The following GADL1 variants were observed in gnomAD, a reference collection of about 807,000 sequenced individuals.
The protein encoded by GADL1 is GAD like acidic amino acid decarboxylase 1, also known as acidic amino acid decarboxylase GADL1.
In GADL1, 71 loss-of-function variants were observed where a neutral mutation model predicts 69.5. The ratio of observed to expected loss-of-function variants is 1.02; its 90% CI spans 0.84 to 1.25. The LOEUF is 1.25. Ranked by LOEUF, GADL1 falls within the 50% of genes most tolerant of loss-of-function variation. GADL1 has a pLI of 0.00. For missense variants in GADL1, 737 were observed against 631.8 expected, an observed-to-expected ratio of 1.17 and a Z score of -1.79; for synonymous variants, 254 against 214.4, an observed-to-expected ratio of 1.18 and a Z score of -1.62.
chr3:30,845,697 A>T (rs1167821155), intron 6 of GADL1, among the ~76,000 whole-genome samples: 4 of 152,196 alleles, frequency 2.6e-5, no homozygotes, highest in Admixed American at 2.0e-4. Flanking sequence ...CATATTGAAG[A>T]GTAATAATGT....
chr3:30,861,615 T>C lies in GADL1; in HGVS notation c.188A>G (p.Lys63Arg). Reference protein sequence around the residue: ...CRLIMEEVVLKATDVNEKVCE... With the variant: ...CRLIMEEVVLRATDVNEKVCE... ...TACCTTCTCATTGACATCTGTAGCTTTCAAAACCACCTCTTCCATTATTAG... is the reference window on the plus strand; with the variant it reads ...TACCTTCTCATTGACATCTGTAGCTCTCAAAACCACCTCTTCCATTATTAG... Residue 63 changes from lysine (K) to arginine (R), a missense_variant, in exon 2 of 15, where the codon AAA (lysine) becomes AGA (arginine). By Grantham distance (26) the Lys-to-Arg change is conservative (BLOSUM62 2). Transcript: ENST00000282538. The C allele has an allele frequency of 6.5e-7, 1 of 1,548,006 alleles. No individual in the cohort carries two copies. Among genetic ancestry groups the C allele is most frequent in the Non-Finnish European group, 8.7e-7 (1 of 1,145,444 alleles).
intron 6 of GADL1, among the ~76,000 whole-genome samples, chr3:30,845,876 C>A (rs1381747913): frequency 4.6e-5 from 7 of 152,044 alleles, no homozygotes; most frequent in Non-Finnish European, 4.4e-5. Context: ...TGCTAGCCTA[C>A]CCCACTGACA....
At chr3:30,874,866 C>T (rs919552973) in intron 1 of GADL1, among the ~76,000 whole-genome samples, 1 of 151,706 alleles carries the variant, frequency 6.6e-6, no homozygotes, top group Non-Finnish European at 1.5e-5. Flanking sequence ...ATAGTTGTAC[C>T]AAAAAAGGAA....
intron 12 of GADL1, among the ~76,000 whole-genome samples, chr3:30,795,514 GCTTT>G (rs1312943021): frequency 6.6e-6 from 1 of 152,036 alleles, no homozygotes; most frequent in East Asian, 1.9e-4. Context: ...ACAAACTGGG[GCTTT>G]CTTTAACTTC....
chr3:30,875,759 G>A (rs1025592230), intron 1 of GADL1, among the ~76,000 whole-genome samples: 4 of 151,786 alleles, frequency 2.6e-5, no homozygotes, highest in Non-Finnish European at 5.9e-5. Context: ...TGAAGCAGTG[G>A]CCCAGCCTCT....
At chr3:30,848,420 T>C (rs1343111849) in intron 6 of GADL1, among the ~76,000 whole-genome samples, 1 of 152,170 alleles carries the variant, frequency 6.6e-6, no homozygotes, top group Non-Finnish European at 1.5e-5. Flanking sequence ...TAGTGCACAA[T>C]TTGTCCTTTT....
chr3:30,813,306 G>GA (rs1697395802), intron 11 of GADL1, among the ~76,000 whole-genome samples: 1 of 152,038 alleles, frequency 6.6e-6, no homozygotes, highest in Non-Finnish European at 1.5e-5. Context: ...TAAATGCCTG[G>GA]AAAAAATATA....
At chr3:30,775,998 A>G (rs1400337018) in intron 14 of GADL1, among the ~76,000 whole-genome samples, 1 of 152,112 alleles carries the variant, frequency 6.6e-6, no homozygotes, top group Non-Finnish European at 1.5e-5. Flanking sequence ...GGATGTGGGA[A>G]TCGCTTGAAC....
At chr3:30,806,779 A>G (rs1697264304) in intron 11 of GADL1, among the ~76,000 whole-genome samples, 1 of 152,224 alleles carries the variant, frequency 6.6e-6, no homozygotes, top group Non-Finnish European at 1.5e-5. Flanking sequence ...CTAATTGAGT[A>G]CAACTGGAGC....
intron 1 of GADL1, among the ~76,000 whole-genome samples, chr3:30,875,671 T>C (rs903091010): frequency 3.2e-4 from 48 of 151,948 alleles, no homozygotes; most frequent in East Asian, 2.0e-4. Context: ...ACATATTAAA[T>C]AGGATCTGAT....
intron 2 of GADL1, among the ~76,000 whole-genome samples, chr3:30,859,980 T>C (rs1417268273): frequency 6.6e-6 from 1 of 151,876 alleles, no homozygotes; most frequent in Non-Finnish European, 1.5e-5. Flanking sequence ...AGCTCTTTTT[T>C]TCTGGGCAAA....
intron 14 of GADL1, among the ~76,000 whole-genome samples, chr3:30,732,883 T>C (rs1575177070): frequency 1.3e-5 from 2 of 152,036 alleles, no homozygotes; most frequent in African/African-American, 4.8e-5. Context: ...AATGGTGAAA[T>C]CTGTCTCTAC....
rs762178779 is a variant in GADL1 at position 30,786,378 on chromosome 3, C to T, written c.1279G>A (p.Glu427Lys). 49 of 1,556,776 alleles carry T rather than the reference C, an allele frequency of 3.1e-5. No individual in the cohort carries two copies. Among genetic ancestry groups the T allele is most frequent in the Non-Finnish European group, 4.2e-5 (48 of 1,129,876 alleles). ...ACTTCCATCAGTAACTTGAATCCTTCTCTTTTCTTGATTTCATCTACTAGG... is the reference window on the plus strand; with the variant it reads ...ACTTCCATCAGTAACTTGAATCCTTTTCTTTTCTTGATTTCATCTACTAGG... ...RYLVDEIKKR[E>K]GFKLLMEPEY... is the part of the protein sequence containing the mutation. The change falls in exon 13 of 15, where the codon GAA becomes AAA. Residue 427 changes from glutamate (E) to lysine (K), a missense_variant. Transcript: ENST00000282538.
intron 6 of GADL1, among the ~76,000 whole-genome samples, chr3:30,847,496 CTTT>C (rs1331693727): frequency 3.3e-5 from 5 of 152,098 alleles, no homozygotes; most frequent in African/African-American, 1.2e-4. Context: ...ACACAACCTT[CTTT>C]AATTCTTTAA....
rs376759971 is a variant in GADL1 at position 30,833,958 on chromosome 3, A to G, written c.969-24T>C. On this transcript the variant is annotated intron_variant, in intron 10 of 14. Coordinates refer to ENST00000282538, the MANE Select transcript of GADL1 (RefSeq NM_207359.3). ...CCCTATTGTTTAAACAAAGGGACAG[A>G]GTAGGGAGAGGACTCAATTAGTTTC... 2,944 of 1,538,686 alleles carry G rather than the reference A, an allele frequency of 1.9e-3. 3 individuals carry two copies. The highest frequency in any genetic ancestry group is 2.6e-3 in the Non-Finnish European group (2,850 of 1,112,076).
chr3:30,809,980 T>C (rs536569975), intron 11 of GADL1, among the ~76,000 whole-genome samples: 11 of 152,226 alleles, frequency 7.2e-5, no homozygotes, highest in Non-Finnish European at 1.5e-4. Context: ...TTCTGAAGTT[T>C]ATAAGCTATG....
At chr3:30,733,625 C>T (rs868608948) in intron 14 of GADL1, among the ~76,000 whole-genome samples, 2 of 149,624 alleles carry the variant, frequency 1.3e-5, no homozygotes, top group Non-Finnish European at 3.0e-5. Context: ...TCCTTCCTTC[C>T]TTCCTTCCTT....
At chr3:30,781,247 CA>C (rs776889860) in intron 13 of GADL1, among the ~76,000 whole-genome samples, 85 of 152,126 alleles carry the variant, frequency 5.6e-4, no homozygotes, top group Non-Finnish European at 8.8e-4. Flanking sequence ...GGTTTTCAAA[CA>C]AAAAACATTC....
At position 30,771,839 on chromosome 3, in the gene GADL1, A is replaced by C. The variant is rs567573682; in HGVS notation, c.1392+6340T>G. 2.0e-5 allele frequency among the ~76,000 whole-genome samples: 3 copies of C among 152,318 alleles called. No individual in the cohort carries two copies. In the South Asian group the frequency reaches 6.2e-4, roughly 32 times the overall value. On this transcript the variant is annotated intron_variant, in intron 14 of 14. Transcript: ENST00000282538. Reference sequence around the variant, plus strand: ...TGTGTGCATGTGTGTATGCATATCTACAAGTCCCTAAGAGATCAGGAGACG... The same window carrying C: ...TGTGTGCATGTGTGTATGCATATCTCCAAGTCCCTAAGAGATCAGGAGACG...
Sources: allele counts gnomAD v4.1 joint callset (sites outside exome capture counted in the v4.1 genomes callset), GRCh38; gene constraint gnomAD v4.1.1; transcripts MANE v1.5; gene names NCBI Gene and HGNC (gene_info 2026-07-23, HGNC 2026-07-21).